PAMR1: variants seen among roughly 807,000 people sequenced by gnomAD.
The protein encoded by PAMR1 is inactive serine protease PAMR1.
Under a neutral mutation model 81.8 loss-of-function variants are expected in PAMR1, and 88 were observed. That is an observed-to-expected ratio of 1.08 (90% CI 0.91 to 1.28). The LOEUF (loss-of-function observed/expected upper bound fraction) is 1.28, where lower values mean the gene tolerates loss of function less well. PAMR1 is among the 50% of genes most tolerant of loss of function. The pLI, the probability that PAMR1 is intolerant of heterozygous loss-of-function variation, is 0.00. For synonymous variants in PAMR1, 336 were observed against 345.3 expected, an observed-to-expected ratio of 0.97 and a Z score of 0.30; for missense variants, 935 against 919.7, an observed-to-expected ratio of 1.02 and a Z score of -0.21.
intron 1 of PAMR1, among the ~76,000 whole-genome samples, chr11:35,514,241 AT>A (rs1453664310): frequency 3.9e-5 from 6 of 152,206 alleles, no homozygotes; most frequent in Admixed American, 3.9e-4. Flanking sequence ...AAAAATGCAT[AT>A]TTGTCAGACA....
At position 35,510,636 on chromosome 11, in the gene PAMR1, C is replaced by T. The variant is rs1279267754; in HGVS notation, c.73+14877G>A. Among the ~76,000 whole-genome samples, 3 of 152,142 alleles carry T rather than the reference C, an allele frequency of 2.0e-5. No homozygotes were observed. In the East Asian group the frequency reaches 5.8e-4, roughly 29 times the overall value. On this transcript the variant is annotated intron_variant, in intron 1 of 10. Coordinates refer to ENST00000619888, the MANE Select transcript of PAMR1 (RefSeq NM_001001991.3). Reference sequence around the variant, plus strand: ...TCATGTTTTCAATGGGCATATATATCCACATGTAGGTATTAACAAATGTAT... The same window carrying T: ...TCATGTTTTCAATGGGCATATATATTCACATGTAGGTATTAACAAATGTAT...
chr11:35,470,649 C>T lies in PAMR1; in HGVS notation c.664G>A (p.Gly222Ser). 1 of 1,614,172 alleles carries T rather than the reference C, an allele frequency of 6.2e-7. No individual in the cohort carries two copies. The highest frequency in any genetic ancestry group is 8.5e-7 in the Non-Finnish European group (1 of 1,180,036). ...TGGAAACCGTCAAAATTCTTGGAGC[C>T]ATCGGAGTGGAAGAGGACGTGGAGT... Reference protein sequence around the residue: ...SSLHVLFHSDGSKNFDGFHAI... With the variant: ...SSLHVLFHSDSSKNFDGFHAI... The change falls in exon 5 of 11, where the codon GGC becomes AGC. Residue 222 changes from glycine (G) to serine (S), a missense_variant. Gly to Ser is a moderately conservative substitution (Grantham distance 56, BLOSUM62 0). Transcript: ENST00000619888.
At chr11:35,488,898 C>T (rs1850564441) in intron 3 of PAMR1, among the ~76,000 whole-genome samples, 1 of 151,984 alleles carries the variant, frequency 6.6e-6, no homozygotes, top group South Asian at 2.1e-4. Flanking sequence ...TGCTATTGCT[C>T]AGGTCACCAA....
chr11:35,455,535 A>G (rs1186178922), intron 6 of PAMR1, among the ~76,000 whole-genome samples: 2 of 152,182 alleles, frequency 1.3e-5, no homozygotes. Context: ...GCCTTGCATG[A>G]ATATATGTCT....
intron 6 of PAMR1, among the ~76,000 whole-genome samples, chr11:35,443,919 C>T (rs748943698): frequency 1.3e-5 from 2 of 152,320 alleles, no homozygotes; most frequent in East Asian, 1.9e-4. Context: ...GATAGTATCT[C>T]GTTGTGGTTA....
chr11:35,501,692 G>T (rs1051600685), intron 1 of PAMR1, among the ~76,000 whole-genome samples: 2 of 152,048 alleles, frequency 1.3e-5, no homozygotes, highest in Admixed American at 1.3e-4. Context: ...AATATTTATG[G>T]TTCTGTGCTT....
At chr11:35,485,908 G>A (rs1360654965) in intron 3 of PAMR1, among the ~76,000 whole-genome samples, 1 of 152,218 alleles carries the variant, frequency 6.6e-6, no homozygotes, top group Admixed American at 6.5e-5. Flanking sequence ...TGCTTGCACT[G>A]CCATGGGGCT....
intron 3 of PAMR1, among the ~76,000 whole-genome samples, chr11:35,485,297 A>C (rs1373650331): frequency 2.0e-5 from 3 of 152,218 alleles, no homozygotes; most frequent in Non-Finnish European, 4.4e-5. Context: ...AAAGAGAGAG[A>C]GAGCCAGATG....
intron 1 of PAMR1, among the ~76,000 whole-genome samples, chr11:35,495,587 G>C (rs140061877): frequency 6.6e-6 from 1 of 152,264 alleles, no homozygotes; most frequent in East Asian, 1.9e-4. Flanking sequence ...TTGGATATTT[G>C]AGGAAGTGAA....
chr11:35,489,440 C>T (rs916979513), intron 3 of PAMR1, among the ~76,000 whole-genome samples: 18 of 152,206 alleles, frequency 1.2e-4, no homozygotes, highest in African/African-American at 4.1e-4. Flanking sequence ...CCTTCTTCAT[C>T]CCCTGAAGCG....
At chr11:35,528,487 T>C (rs546348555), upstream of PAMR1, among the ~76,000 whole-genome samples, 28 of 152,364 alleles carry the variant, frequency 1.8e-4, no homozygotes, top group African/African-American at 6.5e-4. Context: ...TTTTTAAAAA[T>C]GCAATATGAA....
chr11:35,470,201 A>G (rs1030307324), intron 5 of PAMR1, among the ~76,000 whole-genome samples: 24 of 152,194 alleles, frequency 1.6e-4, no homozygotes, highest in Admixed American at 4.6e-4. Flanking sequence ...CCAGTGGGGT[A>G]GAAGAACTTA....
chr11:35,440,168 A>T (rs1312747846), intron 7 of PAMR1, among the ~76,000 whole-genome samples: 3 of 152,210 alleles, frequency 2.0e-5, no homozygotes, highest in Admixed American at 2.0e-4. Context: ...GGCCCCTAAC[A>T]ATCACTTGAG....
At chr11:35,434,378 A>T in intron 10 of PAMR1, 134 bp downstream of exon 10, 1 of 748,756 alleles carries the variant, frequency 1.3e-6, no homozygotes, top group Non-Finnish European at 2.2e-6. Context: ...GAAATAATGA[A>T]CGCTGCTATA....
chr11:35,434,457 G>T, intron 10 of PAMR1, 55 bp downstream of exon 10: 1 of 1,553,092 alleles, frequency 6.4e-7, no homozygotes, highest in Non-Finnish European at 8.8e-7. Context: ...GCTCTCCCGT[G>T]CTTGGAGTTT....
chr11:35,504,977 G>A (rs549995717), intron 1 of PAMR1, among the ~76,000 whole-genome samples: 3 of 151,810 alleles, frequency 2.0e-5, no homozygotes, highest in Non-Finnish European at 4.4e-5. Context: ...CTTTTTTGAT[G>A]TAGGTGTTTA....
chr11:35,435,444 A>G (rs1457142865), intron 9 of PAMR1, among the ~76,000 whole-genome samples: 2 of 152,062 alleles, frequency 1.3e-5, no homozygotes, highest in African/African-American at 4.8e-5. Context: ...CTGACCTCAA[A>G]TGACCCACCC....
At chr11:35,433,117 G>A (rs1004598869) in intron 10 of PAMR1, among the ~76,000 whole-genome samples, 9 of 152,164 alleles carry the variant, frequency 5.9e-5, no homozygotes, top group African/African-American at 2.2e-4. Flanking sequence ...TAAGTGAAGT[G>A]GACAGTTGAG....
intron 1 of PAMR1, among the ~76,000 whole-genome samples, chr11:35,516,853 T>C (rs1018821164): frequency 6.6e-6 from 1 of 152,088 alleles, no homozygotes; most frequent in African/African-American, 2.4e-5. Flanking sequence ...TCGATGATGA[T>C]CTAATGAAAT....
Sources: allele counts gnomAD v4.1 joint callset (sites outside exome capture counted in the v4.1 genomes callset), GRCh38; gene constraint gnomAD v4.1.1; transcripts MANE v1.5; gene names NCBI Gene and HGNC (gene_info 2026-07-23, HGNC 2026-07-21).